ARFGEF2: variants seen among roughly 807,000 people sequenced by gnomAD.
ARFGEF2 encodes the protein brefeldin A-inhibited guanine nucleotide-exchange protein 2.
ARFGEF2 carries 74 observed loss-of-function variants against 219.9 expected under a neutral mutation model. The observed-to-expected ratio is 0.34, with a 90% confidence interval of 0.28 to 0.41. The LOEUF (loss-of-function observed/expected upper bound fraction) is 0.41, where lower values mean the gene tolerates loss of function less well. Ranked by LOEUF, ARFGEF2 falls within the 10% of genes least tolerant of loss-of-function variation. The pLI, the probability that ARFGEF2 is intolerant of heterozygous loss-of-function variation, is 1.00. For synonymous variants in ARFGEF2, 733 were observed against 799.2 expected (o/e 0.92, Z 1.40); for missense variants, 1,743 against 2,218.3 (o/e 0.79, Z 4.30).
chr20:48,962,187 TAAATAAA>T (rs1568707733), intron 6 of ARFGEF2, among the ~76,000 whole-genome samples: 1 of 152,036 alleles, frequency 6.6e-6, no homozygotes, highest in Non-Finnish European at 1.5e-5. Context: ...TCTCAAATAA[TAAATAAA>T]AAATAAATAA....
At chr20:48,937,439 C>CT (rs2090965887) in intron 1 of ARFGEF2, among the ~76,000 whole-genome samples, 1 of 152,116 alleles carries the variant, frequency 6.6e-6, no homozygotes, top group Non-Finnish European at 1.5e-5. Context: ...GACTCCAAGT[C>CT]TTTTTACCAT....
intron 1 of ARFGEF2, among the ~76,000 whole-genome samples, chr20:48,925,901 A>C (rs955646231): frequency 6.6e-6 from 1 of 152,234 alleles, no homozygotes; most frequent in Non-Finnish European, 1.5e-5. Flanking sequence ...AGCCATTATC[A>C]AGAAAATTTA....
chr20:48,993,328 G>A (rs952627441), intron 21 of ARFGEF2, among the ~76,000 whole-genome samples: 3 of 152,194 alleles, frequency 2.0e-5, no homozygotes, highest in African/African-American at 4.8e-5. Context: ...TATTGGTGAC[G>A]TACTTGAGAT....
rs931213978 is a variant in ARFGEF2 at position 48,941,205 on chromosome 20, T to A, written c.128T>A (p.Ile43Asn). 4.3e-6 allele frequency: 7 copies of A among 1,613,280 alleles called. No homozygotes were observed. Among genetic ancestry groups the A allele is most frequent in the African/African-American group, 4.0e-5 (3 of 74,898 alleles). ...RRACQVALDE[I>N]KAEIEKQRLG... is the part of the protein sequence containing the mutation. The stretch of plus-strand genomic sequence containing the variant: ...TTTCTTCCTTCCTTACCAGATGAAA[T>A]TAAAGCAGAAATAGAAAAGCAGAGG... The change falls in exon 2 of 39, where the codon ATT (isoleucine) becomes AAT (asparagine). Residue 43 changes from isoleucine (I) to asparagine (N), a missense_variant. Around this residue, in one of 5 missense-constraint regions of ARFGEF2, gnomAD observed 394 missense variants for 426.6 expected, o/e 0.92. Coordinates refer to ENST00000371917, the MANE Select transcript of ARFGEF2 (RefSeq NM_006420.3).
intron 1 of ARFGEF2, 51 bp downstream of exon 1, chr20:48,922,061 G>A: frequency 6.5e-7 from 1 of 1,546,028 alleles, no homozygotes; most frequent in Non-Finnish European, 8.7e-7. Context: ...CACGTCGGCC[G>A]TTGCCCTATC....
chr20:48,989,240 C>T, intron 18 of ARFGEF2, 45 bp from the exon 19 acceptor site: 1 of 1,610,524 alleles, frequency 6.2e-7, no homozygotes, highest in Non-Finnish European at 8.5e-7. Flanking sequence ...ATGTAGCCAG[C>T]CCTCAGTGAC....
chr20:49,006,589 A>G (rs2091460761), intron 26 of ARFGEF2, among the ~76,000 whole-genome samples: 1 of 152,212 alleles, frequency 6.6e-6, no homozygotes, highest in Non-Finnish European at 1.5e-5. Flanking sequence ...TGTGTTTGGT[A>G]AGGGCACCCT....
intron 11 of ARFGEF2, 106 bp downstream of exon 11, chr20:48,972,531 CA>C: frequency 2.2e-6 from 2 of 904,668 alleles, no homozygotes; most frequent in South Asian, 2.7e-5. Flanking sequence ...AAAGGATTGG[CA>C]ATAAAAGGCT....
intron 3 of ARFGEF2, among the ~76,000 whole-genome samples, chr20:48,950,807 AAAAAATAT>A (rs1390070562): frequency 1.1e-3 from 50 of 44,802 alleles, no homozygotes; most frequent in Non-Finnish European, 1.5e-3. Context: ...AAAAAAAAAA[AAAAAATAT>A]ATATATATAT....
chr20:48,987,853 T>A (rs2123458267), intron 16 of ARFGEF2, among the ~76,000 whole-genome samples: 1 of 152,336 alleles, frequency 6.6e-6, no homozygotes, highest in Non-Finnish European at 1.5e-5. Context: ...AGTGTCACAA[T>A]CTCAGCTCAC....
chr20:49,027,184 C>A (rs2091608780), intron 36 of ARFGEF2, among the ~76,000 whole-genome samples: 1 of 151,800 alleles, frequency 6.6e-6, no homozygotes. Context: ...CTCCTGGGTT[C>A]AAGCGATTCT....
chr20:48,988,649 A>G lies in ARFGEF2; in HGVS notation c.2520A>G (p.Lys840=), dbSNP rs756494678. 4 of 1,613,382 alleles carry G rather than the reference A, an allele frequency of 2.5e-6. No individual in the cohort carries two copies. The highest frequency in any genetic ancestry group is 1.3e-5 in the African/African-American group (1 of 75,028). Residue 840 remains lysine (K), a synonymous_variant, in exon 18 of 39, where the codon AAA becomes AAG. Coordinates refer to ENST00000371917, the MANE Select transcript of ARFGEF2 (RefSeq NM_006420.3). The part of the protein sequence containing the change: ...KETKELTIAT[K]STKQNVASEK... Reference sequence around the variant, plus strand: ...CAAAAGAGCTAACGATTGCAACCAAATCTACTAAGCAGAGTAAGGTCTAAT... The same window carrying G: ...CAAAAGAGCTAACGATTGCAACCAAGTCTACTAAGCAGAGTAAGGTCTAAT...
Position 48,988,592 on chromosome 20 carries a change from G to A in ARFGEF2, c.2463G>A (p.Glu821=), listed in dbSNP as rs1304910532. ...AGTATCTCTCAAGCATCTATGAAGA[G>A]ATAGAAGGCAAGAAAATTGCAATGA... The part of the protein sequence containing the change: ...PEEYLSSIYE[E]IEGKKIAMKE... Residue 821 remains glutamate (E), a synonymous_variant, in exon 18 of 39, where the codon GAG becomes GAA. Coordinates refer to ENST00000371917, the MANE Select transcript of ARFGEF2 (RefSeq NM_006420.3). 17 of 1,613,720 alleles carry A rather than the reference G, an allele frequency of 1.1e-5. No individual in the cohort carries two copies. The highest frequency in any genetic ancestry group is 1.4e-5 in the Non-Finnish European group (17 of 1,179,910).
rs1281416822 is a variant in ARFGEF2, at chr20:49,034,600, A to G, written c.*1401A>G. ...AGACAAAGTGTTACACAGAATGATT[A>G]AAACTTTCAGACTTCTACCTATGCT... is the stretch of plus-strand genomic sequence containing the variant. On this transcript the variant is annotated 3_prime_UTR_variant, in exon 39 of 39. Coordinates refer to ENST00000371917, the MANE Select transcript of ARFGEF2 (RefSeq NM_006420.3). 6.6e-6 allele frequency: 1 copy of G among 152,220 alleles called. No individual in the cohort carries two copies. The highest frequency in any genetic ancestry group is 1.9e-4 in the East Asian group (1 of 5,206). 9.4% of individuals were successfully genotyped at this position (152,220 alleles called of 1,614,324 possible).
At chr20:48,961,900 C>T (rs141901062) in intron 6 of ARFGEF2, among the ~76,000 whole-genome samples, 52 of 151,268 alleles carry the variant, frequency 3.4e-4, no homozygotes, top group African/African-American at 1.2e-3. Flanking sequence ...ATAAACTAGC[C>T]GGGCGCAGTG....
chr20:48,925,969 A>G (rs1192599083), intron 1 of ARFGEF2, among the ~76,000 whole-genome samples: 1 of 152,242 alleles, frequency 6.6e-6, no homozygotes, highest in Non-Finnish European at 1.5e-5. Flanking sequence ...TAAAGATCAC[A>G]TGTTGTATTA....
At chr20:48,990,482 T>C (rs1223444066) in intron 20 of ARFGEF2, among the ~76,000 whole-genome samples, 2 of 152,326 alleles carry the variant, frequency 1.3e-5, no homozygotes, top group East Asian at 3.9e-4. Context: ...TGCATCACTT[T>C]GTAAGTCAGA....
intron 14 of ARFGEF2, among the ~76,000 whole-genome samples, chr20:48,977,014 C>T (rs987235103): frequency 2.0e-5 from 3 of 150,072 alleles, no homozygotes; most frequent in Non-Finnish European, 3.0e-5. Flanking sequence ...TTCTAGGGTA[C>T]GTGTGCACAA....
Position 49,017,384 on chromosome 20 carries a change from A to G in ARFGEF2, c.4451A>G (p.His1484Arg), listed in dbSNP as rs142296282. 19 of 1,613,902 alleles carry G rather than the reference A, an allele frequency of 1.2e-5. No homozygotes were observed. Among genetic ancestry groups the G allele is most frequent in the Middle Eastern group, 1.6e-4 (1 of 6,080 alleles). The change falls in exon 32 of 39, where the codon CAT (histidine) becomes CGT (arginine). Residue 1484 changes from histidine to arginine, a missense_variant. Physicochemically the swap from His to Arg is conservative, Grantham distance 29 (BLOSUM62 0). Around this residue, in one of 5 missense-constraint regions of ARFGEF2, gnomAD observed 578 missense variants for 664.0 expected, o/e 0.87. Transcript: ENST00000371917. ...GATATTTTCAAAACAACCATCCCAC[A>G]TGTGTAAGTGTTCATGCAGTTGTTC... ...MLDIFKTTIP[H>R]VLLTWRPVGM...
Sources: gnomAD v4.1 joint callset for allele counts (sites outside exome capture counted in the v4.1 genomes callset) on GRCh38, gnomAD v4.1.1 for gene constraint, gnomAD v4.1.1 regional missense constraint, MANE v1.5 for transcripts, NCBI Gene and HGNC (gene_info 2026-07-23, HGNC 2026-07-21) for gene names.